The following NCKAP1L variants were observed in gnomAD, a reference collection of about 807,000 sequenced individuals.
The protein encoded by NCKAP1L is NCK associated protein 1 like.
Under a neutral mutation model 139.2 loss-of-function variants are expected in NCKAP1L, and 53 were observed. The observed-to-expected ratio is 0.38, with a 90% CI of 0.31 to 0.48. The LOEUF (loss-of-function observed/expected upper bound fraction) is 0.48, where lower values mean the gene tolerates loss of function less well. Ranked by LOEUF, NCKAP1L falls within the 20% of genes least tolerant of loss-of-function variation. NCKAP1L has a pLI of 0.98. For synonymous variants in NCKAP1L, 468 were observed against 499.7 expected (o/e 0.94, Z 0.85); for missense variants, 1,151 against 1,381.9 (o/e 0.83, Z 2.65).
In NCKAP1L at chr12:54,497,872, G is replaced by A. The variant is rs769776941; in HGVS notation, c.83G>A (p.Arg28His). 3.7e-6 allele frequency: 6 copies of A among 1,605,238 alleles called. No individual in the cohort carries two copies. Among genetic ancestry groups the A allele is most frequent in the Admixed American group, 3.3e-5 (2 of 59,986 alleles). ...LNDRGQGVLI[R>H]MYNIKKTCSD... ...GATCGCGGTCAGGGGGTTCTCATCC[G>A]TATGTATAACATCAAGAAGGTAAGC... The change falls in exon 1 of 31, where the codon CGT becomes CAT. Residue 28 changes from arginine (R) to histidine (H), a missense_variant. Transcript: ENST00000293373.
chr12:54,518,059 G>C, intron 13 of NCKAP1L, 121 bp downstream of exon 13: 1 of 1,200,136 alleles, frequency 8.3e-7, no homozygotes, highest in South Asian at 1.4e-5. Flanking sequence ...GTCCAATCTA[G>C]GCTGGGCGCG....
At chr12:54,528,139 C>A in intron 21 of NCKAP1L, 108 bp from the exon 22 acceptor site, 2 of 1,348,052 alleles carry the variant, frequency 1.5e-6, no homozygotes, top group Non-Finnish European at 2.0e-6. Context: ...TCTCCCTACC[C>A]CAGTCTTTTG....
chr12:54,523,654 G>A, intron 19 of NCKAP1L, 115 bp downstream of exon 19: 2 of 1,440,720 alleles, frequency 1.4e-6, no homozygotes, highest in Non-Finnish European at 1.9e-6. Flanking sequence ...GGAATGAGGG[G>A]CATGGAAAAG....
chr12:54,515,338 T>C (rs1956921075), intron 9 of NCKAP1L, among the ~76,000 whole-genome samples: 1 of 152,174 alleles, frequency 6.6e-6, no homozygotes, highest in Non-Finnish European at 1.5e-5. Flanking sequence ...GCAATAGTGA[T>C]ACAGGACAAG....
At chr12:54,520,366 G>A (rs1036782174) in intron 16 of NCKAP1L, among the ~76,000 whole-genome samples, 5 of 152,166 alleles carry the variant, frequency 3.3e-5, no homozygotes, top group African/African-American at 1.2e-4. Flanking sequence ...TCTAAATTAG[G>A]GGGAATGGCC....
In NCKAP1L at chr12:54,536,370, C is replaced by T. The variant is rs139365237; in HGVS notation, c.3073+125C>T. The T allele has an allele frequency of 2.4e-3, 1,723 of 723,616 alleles. 3 individuals carry two copies. The highest frequency in any genetic ancestry group is 3.7e-3 in the Non-Finnish European group (1,587 of 423,432). 44.8% of individuals were successfully genotyped at this position (723,616 alleles called of 1,614,324 possible). ...GGGTGTAAAGTTCTGTTTCAAAAAG[C>T]ACTTGAAGGCTGGACACCGTGGCTC... On this transcript the variant is annotated intron_variant, in intron 28 of 30. Transcript: ENST00000293373.
chr12:54,508,509 C>T lies in NCKAP1L; in HGVS notation c.484C>T (p.His162Tyr), dbSNP rs367941303. The change falls in exon 5 of 31, where the codon CAT becomes TAT. Residue 162 changes from histidine (H) to tyrosine (Y), a missense_variant. By Grantham distance (83) the His-to-Tyr change is moderately conservative. Coordinates refer to ENST00000293373, the MANE Select transcript of NCKAP1L (RefSeq NM_005337.5). ...RILIGMYNCA[H>Y]EMLHGHGDPS... The stretch of plus-strand genomic sequence containing the variant: ...ACTCATTGGCATGTACAATTGTGCC[C>T]ATGAGATGCTGCATGGGCATGGGTG... 4 of 1,614,074 alleles carry T rather than the reference C, an allele frequency of 2.5e-6. No homozygotes were observed. Among genetic ancestry groups the T allele is most frequent in the Non-Finnish European group, 3.4e-6 (4 of 1,179,978 alleles).
Position 54,516,908 on chromosome 12 carries a change from T to C in NCKAP1L, c.1011T>C (p.His337=), listed in dbSNP as rs1956936844. 6.2e-7 allele frequency: 1 copy of C among 1,612,228 alleles called. No homozygotes were observed. The highest frequency in any genetic ancestry group is 1.1e-5 in the South Asian group (1 of 91,054). ...TTTTCTTCCTTAGTGGCCAGTTTCA[T>C]TGTCAACGGCGGCAATTTCTGCGGA... is the stretch of plus-strand genomic sequence containing the variant. ...EHVIANSGQF[H]CQRRQFLRMA... is the part of the protein sequence containing the mutation. The change falls in exon 11 of 31, where the codon CAT becomes CAC. Residue 337 remains histidine, a synonymous_variant. Transcript: ENST00000293373.
At chr12:54,512,860 G>C (rs1260561209) in intron 9 of NCKAP1L, among the ~76,000 whole-genome samples, 1 of 151,924 alleles carries the variant, frequency 6.6e-6, no homozygotes, top group East Asian at 1.9e-4. Flanking sequence ...AGTTGCTTGA[G>C]GCAAAGAAAG....
In NCKAP1L at chr12:54,545,642, C is replaced by T. The variant is rs1327735907; in HGVS notation, c.*2957C>T. 1 of 152,164 alleles carries T rather than the reference C, an allele frequency of 6.6e-6. No individual in the cohort carries two copies. Among genetic ancestry groups the T allele is most frequent in the Non-Finnish European group, 1.5e-5 (1 of 68,024 alleles). The allele number at this position is 152,164 out of a possible 1,614,324, so 9.4% of individuals were successfully genotyped here. On this transcript the variant is annotated 3_prime_UTR_variant, in exon 31 of 31. Coordinates refer to ENST00000293373, the MANE Select transcript of NCKAP1L (RefSeq NM_005337.5). ...ACCTGGGAAAAAATAAGTTGTGTCC[C>T]AGGTTGTAAGTTTGCTTTACTTAGG...
Position 54,531,286 on chromosome 12 carries a change from G to C in NCKAP1L, c.2533G>C (p.Gly845Arg), listed in dbSNP as rs372852277. 5 of 1,614,018 alleles carry C rather than the reference G, an allele frequency of 3.1e-6. No homozygotes were observed. The African/African-American group carries it at 6.7e-5, about 22-fold the overall frequency. ...GATGCGGGCCTTGGCAGAACTCCTG[G>C]GCCCCTATGGCATGAAGTTCCTGAG... The part of the protein sequence containing the change: ...SEMRALAELL[G>R]PYGMKFLSEN... The change falls in exon 23 of 31, where the codon GGC becomes CGC. Residue 845 changes from glycine (G) to arginine (R), a missense_variant. By Grantham distance (125) the Gly-to-Arg change is moderately radical (BLOSUM62 -2). Transcript: ENST00000293373.
intron 30 of NCKAP1L, among the ~76,000 whole-genome samples, chr12:54,540,531 C>T (rs556373853): frequency 4.6e-5 from 7 of 152,264 alleles, no homozygotes; most frequent in African/African-American, 1.4e-4. Context: ...TCTGAGACTT[C>T]GGCTCTCTAT....
chr12:54,524,112 T>C (rs531149968), intron 20 of NCKAP1L, among the ~76,000 whole-genome samples, 156 bp downstream of exon 20: 30 of 152,284 alleles, frequency 2.0e-4, no homozygotes, highest in South Asian at 1.2e-3. Flanking sequence ...CAGTCTAGCA[T>C]AGGTCCCAAG....
chr12:54,518,133 G>T (rs1565676976), intron 13 of NCKAP1L, among the ~76,000 whole-genome samples, 195 bp downstream of exon 13: 1 of 152,052 alleles, frequency 6.6e-6, no homozygotes, highest in East Asian at 1.9e-4. Flanking sequence ...GAGGTCAGGA[G>T]ATCGAGACCA....
At position 54,511,942 on chromosome 12, in the gene NCKAP1L, C is replaced by T; in HGVS notation, c.785-7C>T. 1.2e-6 allele frequency: 2 copies of T among 1,614,186 alleles called. No individual in the cohort carries two copies. Among genetic ancestry groups the T allele is most frequent in the East Asian group, 4.5e-5 (2 of 44,886 alleles). On this transcript the variant is annotated splice_polypyrimidine_tract_variant and splice_region_variant and intron_variant, in intron 8 of 30. Coordinates refer to ENST00000293373, the MANE Select transcript of NCKAP1L (RefSeq NM_005337.5). ...AGTCTTCCTCTGCACTGTTTTCCCA[C>T]CTACAGTTGGGTTTCTTCTTTGTCA...
chr12:54,509,609 A>G, intron 5 of NCKAP1L, 60 bp from the exon 6 acceptor site: 5 of 1,180,646 alleles, frequency 4.2e-6, no homozygotes, highest in Non-Finnish European at 6.3e-6. Context: ...ATATGCAAAC[A>G]TAAGAGTTCA....
chr12:54,526,504 A>G, intron 20 of NCKAP1L, 24 bp from the exon 21 acceptor site: 1 of 1,195,976 alleles, frequency 8.4e-7, no homozygotes, highest in Non-Finnish European at 1.2e-6. Context: ...TGTAATTCTA[A>G]TTTTTTTTTT....
intron 1 of NCKAP1L, among the ~76,000 whole-genome samples, chr12:54,498,317 A>C (rs564378845): frequency 6.6e-6 from 1 of 152,202 alleles, no homozygotes; most frequent in African/African-American, 2.4e-5. Context: ...CCTAAAAGGA[A>C]AAAAAATAGA....
chr12:54,520,462 C>A (rs1163545385), intron 16 of NCKAP1L, among the ~76,000 whole-genome samples: 1 of 152,126 alleles, frequency 6.6e-6, no homozygotes, highest in Non-Finnish European at 1.5e-5. Flanking sequence ...GCCTGGGGTC[C>A]TTTATAAAAG....
Sources: gnomAD v4.1 joint callset for allele counts (sites outside exome capture counted in the v4.1 genomes callset) on GRCh38, gnomAD v4.1.1 for gene constraint, MANE v1.5 for transcripts, NCBI Gene and HGNC (gene_info 2026-07-23, HGNC 2026-07-21) for gene names.